The following PPM1H variants were observed in gnomAD, a reference collection of about 807,000 sequenced individuals.
The protein encoded by PPM1H is protein phosphatase 1H.
In PPM1H, 27 loss-of-function variants were observed where a neutral mutation model predicts 54.9. The ratio of observed to expected loss-of-function variants is 0.49; its 90% confidence interval spans 0.36 to 0.68. The LOEUF is 0.68. PPM1H is among the 30% of genes least tolerant of loss of function. PPM1H has a pLI of 0.00. For missense variants in PPM1H, 596 were observed against 667.8 expected (o/e 0.89, Z 1.19); for synonymous variants, 305 against 270.8 (o/e 1.13, Z -1.24).
At chr12:62,912,490 CAGGAGG>C (rs988925202) in intron 1 of PPM1H, among the ~76,000 whole-genome samples, 2 of 152,018 alleles carry the variant, frequency 1.3e-5, no homozygotes, top group African/African-American at 4.8e-5. Context: ...GCAGTGTGCC[CAGGAGG>C]AGGAGACTTG....
chr12:62,683,751 G>C (rs2076036441), intron 8 of PPM1H, among the ~76,000 whole-genome samples: 1 of 152,206 alleles, frequency 6.6e-6, no homozygotes. Flanking sequence ...AGAGGGCCTT[G>C]TTTCTCCAAG....
At position 62,760,204 on chromosome 12, in the gene PPM1H, G is replaced by A. The variant is rs188208884; in HGVS notation, c.870-22618C>T. ...TTACAAGATCTAGATAATTTTTGTC[G>A]AAAAATGGGCAAATGGTCTGAGGTG... On this transcript the variant is annotated intron_variant, in intron 4 of 9. Coordinates refer to ENST00000228705, the MANE Select transcript of PPM1H (RefSeq NM_020700.2). Among the ~76,000 whole-genome samples the A allele has an allele frequency of 3.5e-3, 536 of 152,062 alleles. 6 individuals carry two copies. The highest frequency in any genetic ancestry group is 0.011 in the African/African-American group (473 of 41,480).
intron 4 of PPM1H, among the ~76,000 whole-genome samples, chr12:62,782,589 A>G (rs963494986): frequency 1.3e-5 from 2 of 152,082 alleles, no homozygotes; most frequent in Non-Finnish European, 2.9e-5. Flanking sequence ...AGAGCTAATG[A>G]ATGACACATT....
At chr12:62,814,812 T>G (rs1489164834) in intron 2 of PPM1H, among the ~76,000 whole-genome samples, 1 of 152,192 alleles carries the variant, frequency 6.6e-6, no homozygotes, top group Non-Finnish European at 1.5e-5. Flanking sequence ...TCTCTCCCAC[T>G]ACCAAAGAAA....
intron 6 of PPM1H, among the ~76,000 whole-genome samples, chr12:62,719,525 T>C (rs2076252747): frequency 6.6e-6 from 1 of 152,130 alleles, no homozygotes; most frequent in African/African-American, 2.4e-5. Context: ...ATAAAAGAAA[T>C]AGCTGAGGTC....
chr12:62,931,113 ATT>A (rs1002286926), intron 1 of PPM1H, among the ~76,000 whole-genome samples: 1 of 152,090 alleles, frequency 6.6e-6, no homozygotes, highest in African/African-American at 2.4e-5. Flanking sequence ...TTTCTCCTTA[ATT>A]TTTCTACCAT....
intron 9 of PPM1H, among the ~76,000 whole-genome samples, chr12:62,650,420 C>T (rs533977305): frequency 1.3e-5 from 2 of 152,244 alleles, no homozygotes; most frequent in African/African-American, 2.4e-5. Context: ...AACAGTTCGT[C>T]CTGAGGTTCT....
intron 4 of PPM1H, among the ~76,000 whole-genome samples, chr12:62,753,336 C>T (rs2076452619): frequency 6.6e-6 from 1 of 152,294 alleles, no homozygotes; most frequent in South Asian, 2.1e-4. Flanking sequence ...ATGAAGATTC[C>T]TCATGCTCGA....
At chr12:62,674,804 G>A (rs1455478854) in intron 8 of PPM1H, among the ~76,000 whole-genome samples, 1 of 152,226 alleles carries the variant, frequency 6.6e-6, no homozygotes, top group Middle Eastern at 3.2e-3. Flanking sequence ...ATGTGAGAAA[G>A]GGCTGGTGTG....
chr12:62,909,916 A>C (rs576554112), intron 1 of PPM1H, among the ~76,000 whole-genome samples: 11 of 152,348 alleles, frequency 7.2e-5, no homozygotes, highest in African/African-American at 2.6e-4. Context: ...TGTGGAATTG[A>C]AGAATGACAT....
In PPM1H at chr12:62,693,928, G is replaced by A. The variant is rs372036187; in HGVS notation, c.1137+8C>T. The stretch of plus-strand genomic sequence containing the variant: ...TCCTCTCTACCCAGGGGAAGCACAC[G>A]TGCCTACCTTCTTGCCTTCTCCATA... On this transcript the variant is annotated splice_region_variant and intron_variant, in intron 7 of 9. Coordinates refer to ENST00000228705, the MANE Select transcript of PPM1H (RefSeq NM_020700.2). The A allele has an allele frequency of 1.6e-4, 253 of 1,610,724 alleles. No individual in the cohort carries two copies. Among genetic ancestry groups the A allele is most frequent in the Non-Finnish European group, 2.1e-4 (245 of 1,178,458 alleles).
chr12:62,880,509 A>C (rs1481119381), intron 1 of PPM1H, among the ~76,000 whole-genome samples: 2 of 152,170 alleles, frequency 1.3e-5, no homozygotes, highest in Non-Finnish European at 2.9e-5. Context: ...AGGCATGCAC[A>C]CTTATACACT....
intron 1 of PPM1H, among the ~76,000 whole-genome samples, chr12:62,890,151 A>G (rs965556602): frequency 6.6e-6 from 1 of 152,262 alleles, no homozygotes; most frequent in Admixed American, 6.5e-5. Context: ...ACAGAAGGCA[A>G]ATAAACATAT....
chr12:62,874,911 T>G (rs190459320), intron 1 of PPM1H, among the ~76,000 whole-genome samples: 1 of 152,316 alleles, frequency 6.6e-6, no homozygotes, highest in Admixed American at 6.5e-5. Context: ...TGGGTTTCTA[T>G]AACATGAGAA....
At chr12:62,779,016 A>G (rs527623926) in intron 4 of PPM1H, among the ~76,000 whole-genome samples, 1 of 151,560 alleles carries the variant, frequency 6.6e-6, no homozygotes, top group East Asian at 1.9e-4. Context: ...AAAGAAAGAC[A>G]TAATATTTCT....
intron 1 of PPM1H, among the ~76,000 whole-genome samples, chr12:62,845,444 C>A (rs1868927319): frequency 6.6e-6 from 1 of 152,202 alleles, no homozygotes. Flanking sequence ...TTACATGGAA[C>A]ATAGTTTTAG....
chr12:62,845,964 A>T (rs988826254), intron 1 of PPM1H, among the ~76,000 whole-genome samples: 4 of 151,988 alleles, frequency 2.6e-5, no homozygotes, highest in Non-Finnish European at 5.9e-5. Flanking sequence ...TACTCTCCCC[A>T]CATCTAGCTT....
At chr12:62,911,314 G>A (rs1482005782) in intron 1 of PPM1H, among the ~76,000 whole-genome samples, 2 of 152,048 alleles carry the variant, frequency 1.3e-5, no homozygotes, top group Non-Finnish European at 2.9e-5. Flanking sequence ...TAAACCCTAC[G>A]ATGTAAAAGT....
At chr12:62,821,135 C>T (rs1002542854) in intron 2 of PPM1H, among the ~76,000 whole-genome samples, 1 of 151,844 alleles carries the variant, frequency 6.6e-6, no homozygotes, top group African/African-American at 2.4e-5. Flanking sequence ...GCACAAGCTT[C>T]GATAGCCAAT....
Sources: allele counts gnomAD v4.1 joint callset (sites outside exome capture counted in the v4.1 genomes callset), GRCh38; gene constraint gnomAD v4.1.1; transcripts MANE v1.5; gene names NCBI Gene and HGNC (gene_info 2026-07-23, HGNC 2026-07-21).